HBP1: variants seen among roughly 807,000 people sequenced by gnomAD.
The protein encoded by HBP1 is HMG box-containing protein 1.
In HBP1, 20 loss-of-function variants were observed where a neutral mutation model predicts 62.6. That is an observed-to-expected ratio of 0.32 (90% CI 0.22 to 0.46). The LOEUF is 0.46. HBP1 is among the 20% of genes least tolerant of loss of function. The probability of loss-of-function intolerance (pLI) is 1.00; values close to 1 mark genes in which losing one functional copy is unlikely to be tolerated. For synonymous variants in HBP1, 232 were observed against 206.2 expected (o/e 1.12, Z -1.07); for missense variants, 480 against 611.8 (o/e 0.78, Z 2.27).
intron 8 of HBP1, among the ~76,000 whole-genome samples, chr7:107,193,897 G>C (rs1045233362): frequency 6.6e-6 from 1 of 152,054 alleles, no homozygotes; most frequent in Non-Finnish European, 1.5e-5. Context: ...GGATAATATT[G>C]GAAGGATTAA....
In HBP1 at chr7:107,195,840, C is replaced by T. The variant is rs1797873955; in HGVS notation, c.1074C>T (p.Asp358=). The stretch of plus-strand genomic sequence containing the variant: ...ATTTTTTTTAATTTTATAGCTATGA[C>T]TTCACACCTATGGATTCTTCTGCAG... ...SGVFDTFKSY[D]FTPMDSSAVY... is the part of the protein sequence containing the mutation. Residue 358 remains aspartate (D), a synonymous_variant, in exon 9 of 11, where the codon GAC becomes GAT. Transcript: ENST00000222574. 3.3e-6 allele frequency: 5 copies of T among 1,526,420 alleles called. No individual in the cohort carries two copies. Among genetic ancestry groups the T allele is most frequent in the Non-Finnish European group, 4.5e-6 (5 of 1,108,408 alleles). 94.6% of individuals were successfully genotyped at this position (1,526,420 alleles called of 1,614,324 possible).
intron 1 of HBP1, chr7:107,174,414 A>G (rs867355491): frequency 2.1e-6 from 2 of 948,256 alleles, no homozygotes; most frequent in Non-Finnish European, 1.3e-6. Context: ...CTGTTTTGAA[A>G]TTAAAATAAT....
intron 8 of HBP1, among the ~76,000 whole-genome samples, chr7:107,190,710 T>G (rs962321455): frequency 6.6e-6 from 1 of 152,024 alleles, no homozygotes; most frequent in Non-Finnish European, 1.5e-5. Flanking sequence ...TTTCTTGATA[T>G]AATAGTTAAC....
At chr7:107,190,963 C>T (rs1041919926) in intron 8 of HBP1, among the ~76,000 whole-genome samples, 2 of 152,144 alleles carry the variant, frequency 1.3e-5, no homozygotes, top group Admixed American at 1.3e-4. Context: ...GTCTAGCTTT[C>T]AGGAAACCCC....
At chr7:107,182,677 T>A in intron 3 of HBP1, 76 bp downstream of exon 3, 1 of 723,984 alleles carries the variant, frequency 1.4e-6, no homozygotes, top group Non-Finnish European at 2.3e-6. Context: ...TTTTCTAGTT[T>A]AAAAGTAGTA....
chr7:107,169,009 G>A lies in HBP1; in HGVS notation c.-192G>A, dbSNP rs1401180827. On this transcript the variant is annotated 5_prime_UTR_variant, in exon 1 of 11. Transcript: ENST00000222574. The stretch of plus-strand genomic sequence containing the variant: ...GGGGAAGACGAAGCTTGAAAGACTT[G>A]GTAATGGCGACGGGTTTGGTAAGTA... The A allele has an allele frequency of 1.6e-6, 2 of 1,289,014 alleles. No individual in the cohort carries two copies. Among genetic ancestry groups the A allele is most frequent in the Non-Finnish European group, 2.0e-6 (2 of 988,530 alleles). The allele number at this position is 1,289,014 out of a possible 1,614,324, so 79.8% of individuals were successfully genotyped here.
chr7:107,180,122 T>C, intron 2 of HBP1, 60 bp downstream of exon 2: 1 of 1,098,670 alleles, frequency 9.1e-7, no homozygotes, highest in Non-Finnish European at 1.3e-6. Flanking sequence ...TTTTTCTACT[T>C]AGCCCGCTTC....
At chr7:107,172,915 AAAAC>A (rs1342480090) in intron 1 of HBP1, among the ~76,000 whole-genome samples, 2 of 152,174 alleles carry the variant, frequency 1.3e-5, no homozygotes, top group Non-Finnish European at 2.9e-5. Flanking sequence ...ACAAATAAAA[AAAAC>A]AGGTCCAAAT....
chr7:107,169,889 G>C (rs886566142), intron 1 of HBP1: 9 of 985,628 alleles, frequency 9.1e-6, no homozygotes, highest in Non-Finnish European at 1.1e-5. Flanking sequence ...GCACCGCTCT[G>C]TGTGACCCAA....
chr7:107,178,401 C>T (rs1460854680), intron 1 of HBP1, among the ~76,000 whole-genome samples: 3 of 151,192 alleles, frequency 2.0e-5, no homozygotes, highest in Admixed American at 6.6e-5. Context: ...AGAACTAATT[C>T]GATCGTTGTC....
rs1289998120 is a variant in HBP1, at chr7:107,201,505, A to C, written c.*74A>C. On this transcript the variant is annotated 3_prime_UTR_variant, in exon 11 of 11. Transcript: ENST00000222574. ...TTGATGGAAAGACTTAAGAAGATCA[A>C]GGTCTCACCATTTGTCCTCAATTCG... The C allele has an allele frequency of 3.3e-6, 3 of 897,786 alleles. No individual in the cohort carries two copies. Among genetic ancestry groups the C allele is most frequent in the Non-Finnish European group, 5.4e-6 (3 of 551,140 alleles). 55.6% of individuals were successfully genotyped at this position (897,786 alleles called of 1,614,324 possible). A position where few individuals can be genotyped will look rare whatever the true frequency, so the allele number is the denominator to read the frequency against.
At chr7:107,186,158 TTTTTTTTC>T (rs1235393178) in intron 4 of HBP1, among the ~76,000 whole-genome samples, 195 bp from the exon 5 acceptor site, 4 of 144,858 alleles carry the variant, frequency 2.8e-5, no homozygotes, top group East Asian at 1.9e-4. Flanking sequence ...TTTTTTTTCT[TTTTTTTTC>T]TTTTTTTTTT....
chr7:107,188,499 A>G (rs181833662), intron 6 of HBP1, among the ~76,000 whole-genome samples: 1 of 152,338 alleles, frequency 6.6e-6, no homozygotes, highest in East Asian at 1.9e-4. Flanking sequence ...TGGATACTAT[A>G]GCAAGCTTTT....
At position 107,195,928 on chromosome 7, in the gene HBP1, G is replaced by C; in HGVS notation, c.1162G>C (p.Gly388Arg). 1 of 1,613,496 alleles carries C rather than the reference G, an allele frequency of 6.2e-7. No individual in the cohort carries two copies. The highest frequency in any genetic ancestry group is 8.5e-7 in the Non-Finnish European group (1 of 1,179,516). The change falls in exon 9 of 11, where the codon GGT (glycine) becomes CGT (arginine). Residue 388 changes from glycine (G) to arginine (R), a missense_variant. Around this residue, in one of 4 missense-constraint regions of HBP1, gnomAD observed 66 missense variants for 56.4 expected, o/e 1.17. Transcript: ENST00000222574. Reference protein sequence around the residue: ...RASLSCGGPGGQDFARSGFSK... With the variant: ...RASLSCGGPGRQDFARSGFSK... ...ATCTTTGTCTTGTGGAGGACCTGGTGGTCAAGACTTTGCAAGATCTGGATT... is the reference window on the plus strand; with the variant it reads ...ATCTTTGTCTTGTGGAGGACCTGGTCGTCAAGACTTTGCAAGATCTGGATT...
intron 9 of HBP1, among the ~76,000 whole-genome samples, chr7:107,198,385 GT>G (rs1798032846): frequency 6.6e-6 from 1 of 151,696 alleles, no homozygotes; most frequent in Non-Finnish European, 1.5e-5. Flanking sequence ...ATTTTTTGTA[GT>G]TTTAGTAGAG....
At chr7:107,193,992 A>G (rs2395839) in intron 8 of HBP1, among the ~76,000 whole-genome samples, 82,059 of 151,992 alleles carry the variant, frequency 0.54, 22,395 homozygotes, top group African/African-American at 0.59. Flanking sequence ...CAGTGAAGTG[A>G]GAATGGGCAT....
At chr7:107,194,405 C>T (rs1387810478) in intron 8 of HBP1, among the ~76,000 whole-genome samples, 2 of 152,176 alleles carry the variant, frequency 1.3e-5, no homozygotes, top group African/African-American at 4.8e-5. Flanking sequence ...CTGAAGATAT[C>T]TTACAAAAAC....
chr7:107,170,382 T>C (rs1374366545), intron 1 of HBP1, among the ~76,000 whole-genome samples: 1 of 152,230 alleles, frequency 6.6e-6, no homozygotes, highest in African/African-American at 2.4e-5. Context: ...TTTCTGGTCA[T>C]TTAACAGTGA....
chr7:107,187,921 A>G (rs925384921), intron 6 of HBP1, among the ~76,000 whole-genome samples: 11 of 152,098 alleles, frequency 7.2e-5, no homozygotes, highest in African/African-American at 2.7e-4. Context: ...TTTCTTCACC[A>G]GTTCCTCTCT....
Sources: allele counts gnomAD v4.1 joint callset (sites outside exome capture counted in the v4.1 genomes callset), GRCh38; gene constraint gnomAD v4.1.1; regional missense constraint gnomAD v4.1.1; transcripts MANE v1.5; gene names NCBI Gene and HGNC (gene_info 2026-07-23, HGNC 2026-07-21).